Variants in EPHA5 observed in about 807,000 individuals in gnomAD.
EPHA5 encodes ephrin type-A receptor 5.
A neutral mutation model predicts 105.0 loss-of-function variants in EPHA5; 60 were observed. The ratio of observed to expected loss-of-function variants is 0.57; its 90% CI spans 0.46 to 0.71. The LOEUF is 0.71. Ranked by LOEUF, EPHA5 falls within the 30% of genes least tolerant of loss-of-function variation. The probability of loss-of-function intolerance (pLI) is 0.00; values close to 1 mark genes in which losing one functional copy is unlikely to be tolerated. For synonymous variants in EPHA5, 513 were observed against 449.1 expected (o/e 1.14, Z -1.80); for missense variants, 1,218 against 1,274.7 (o/e 0.96, Z 0.68).
chr4:65,390,165 GTAGCAAAGTACT>G (rs1209362915), intron 8 of EPHA5, among the ~76,000 whole-genome samples: 1 of 151,974 alleles, frequency 6.6e-6, no homozygotes, highest in Non-Finnish European at 1.5e-5. Context: ...GTTCCTAGAA[GTAGCAAAGTACT>G]TAGCCTACAG....
At chr4:65,451,382 A>G (rs1212001151) in intron 5 of EPHA5, among the ~76,000 whole-genome samples, 1 of 152,142 alleles carries the variant, frequency 6.6e-6, no homozygotes, top group African/African-American at 2.4e-5. Context: ...ACCACATTTT[A>G]CAATCCCAAT....
chr4:65,608,709 G>C (rs1214049330), intron 2 of EPHA5, among the ~76,000 whole-genome samples: 1 of 152,022 alleles, frequency 6.6e-6, no homozygotes, highest in African/African-American at 2.4e-5. Context: ...TAAATATATA[G>C]ATCAATTTTA....
intron 3 of EPHA5, among the ~76,000 whole-genome samples, chr4:65,522,317 T>TATATATATATATATATATATAC (rs1553931934): frequency 9.2e-5 from 5 of 54,580 alleles, no homozygotes; most frequent in African/African-American, 3.5e-4. Context: ...TATATATATG[T>TATATATATATATATATATATAC]ATATATATAT....
intron 5 of EPHA5, among the ~76,000 whole-genome samples, chr4:65,470,550 C>G (rs1167637750): frequency 6.6e-6 from 1 of 152,086 alleles, no homozygotes; most frequent in Non-Finnish European, 1.5e-5. Context: ...CTTGTAATAA[C>G]CATGTACATG....
At chr4:65,483,933 T>G (rs113477547) in intron 5 of EPHA5, among the ~76,000 whole-genome samples, 1,692 of 152,156 alleles carry the variant, frequency 0.011, 37 homozygotes, top group African/African-American at 0.039. Context: ...ATAAAGAACA[T>G]GGAAGAAAAA....
At chr4:65,515,328 T>C (rs570164013) in intron 3 of EPHA5, among the ~76,000 whole-genome samples, 1 of 152,312 alleles carries the variant, frequency 6.6e-6, no homozygotes, top group African/African-American at 2.4e-5. Context: ...GCTCATCCAG[T>C]TCATTTGCAT....
At chr4:65,343,502 G>A (rs1254378860) in intron 14 of EPHA5, among the ~76,000 whole-genome samples, 1 of 152,086 alleles carries the variant, frequency 6.6e-6, no homozygotes, top group African/African-American at 2.4e-5. Context: ...GAATCAGATA[G>A]CATCTGGAAT....
chr4:65,642,010 C>T (rs1007126560), intron 2 of EPHA5, among the ~76,000 whole-genome samples: 19 of 151,968 alleles, frequency 1.3e-4, no homozygotes, highest in African/African-American at 1.2e-4. Context: ...CAACACCATA[C>T]GTATACTCTC....
At chr4:65,668,345 A>G (rs1381103720) in intron 1 of EPHA5, among the ~76,000 whole-genome samples, 1 of 152,086 alleles carries the variant, frequency 6.6e-6, no homozygotes, top group East Asian at 1.9e-4. Context: ...CGTGCCCAGG[A>G]GTGGAAGGAA....
chr4:65,624,709 A>G (rs1745986533), intron 2 of EPHA5, among the ~76,000 whole-genome samples: 1 of 152,170 alleles, frequency 6.6e-6, no homozygotes, highest in Non-Finnish European at 1.5e-5. Context: ...CTACCTGGTT[A>G]CTAGCAAGGA....
At chr4:65,540,337 G>T (rs1351388514) in intron 3 of EPHA5, among the ~76,000 whole-genome samples, 3 of 151,340 alleles carry the variant, frequency 2.0e-5, no homozygotes, top group Admixed American at 6.6e-5. Context: ...TGAACAATGA[G>T]ATCTGACACC....
At chr4:65,393,443 C>A (rs549481056) in intron 8 of EPHA5, among the ~76,000 whole-genome samples, 1 of 152,266 alleles carries the variant, frequency 6.6e-6, no homozygotes, top group East Asian at 1.9e-4. Context: ...ACACAGTGAC[C>A]ATTTCCCCTT....
intron 11 of EPHA5, among the ~76,000 whole-genome samples, chr4:65,361,403 G>C (rs1037360510): frequency 6.6e-6 from 1 of 151,544 alleles, no homozygotes; most frequent in African/African-American, 2.4e-5. Context: ...ATGTGTATCA[G>C]GTTAAGTATG....
At chr4:65,556,025 G>C (rs900945821) in intron 3 of EPHA5, among the ~76,000 whole-genome samples, 6 of 152,032 alleles carry the variant, frequency 3.9e-5, no homozygotes, top group African/African-American at 1.4e-4. Flanking sequence ...GGAATTAAAA[G>C]AATATTCCGA....
At chr4:65,450,157 T>C (rs1726936923) in intron 5 of EPHA5, among the ~76,000 whole-genome samples, 1 of 152,140 alleles carries the variant, frequency 6.6e-6, no homozygotes, top group African/African-American at 2.4e-5. Context: ...GAAACACATA[T>C]GCAAACAGGA....
intron 5 of EPHA5, among the ~76,000 whole-genome samples, chr4:65,425,993 C>T (rs1463539059): frequency 1.3e-5 from 2 of 152,108 alleles, no homozygotes; most frequent in East Asian, 1.9e-4. Flanking sequence ...TGTATAACCG[C>T]GTCCACCCTC....
intron 3 of EPHA5, among the ~76,000 whole-genome samples, chr4:65,582,179 A>G (rs1157670290): frequency 1.3e-5 from 2 of 151,748 alleles, no homozygotes; most frequent in Admixed American, 1.3e-4. Flanking sequence ...ACTTGAAACC[A>G]GGACTGTTAC....
chr4:65,606,366 T>G lies in EPHA5; in HGVS notation c.247-4062A>C, dbSNP rs147932962. The stretch of plus-strand genomic sequence containing the variant: ...CTTCTTAATTCAGAGATCCCACTAA[T>G]TTGGAATAATTCAAACATATTGAAT... On this transcript the variant is annotated intron_variant, in intron 2 of 16. Coordinates refer to ENST00000613740, the MANE Select transcript of EPHA5 (RefSeq NM_001281766.3). Among the ~76,000 whole-genome samples, 3 of 152,280 alleles carry G rather than the reference T, an allele frequency of 2.0e-5. No homozygotes were observed. The East Asian group carries it at 5.8e-4, about 29-fold the overall frequency.
intron 16 of EPHA5, chr4:65,331,221 CA>C (rs1720584066): frequency 9.7e-7 from 1 of 1,029,174 alleles, no homozygotes. Context: ...TAGATGGAAC[CA>C]CCATAAAGAC....
Sources: allele counts gnomAD v4.1 joint callset (sites outside exome capture counted in the v4.1 genomes callset), GRCh38; gene constraint gnomAD v4.1.1; transcripts MANE v1.5; gene names NCBI Gene and HGNC (gene_info 2026-07-23, HGNC 2026-07-21).